The following SLC35D4 variants were observed in gnomAD, a reference collection of about 807,000 sequenced individuals.
SLC35D4 encodes UDP-N-acetylglucosamine transporter SLC35D4.
At chr18:23,393,167 A>T in the SLC35D4 span, among the ~76,000 whole-genome samples, 1 of 152,006 alleles carries the variant, frequency 6.6e-6, no homozygotes, top group Non-Finnish European at 1.5e-5. Context: ...CATCCACCTC[A>T]GGCTCCTAAA....
the SLC35D4 span, among the ~76,000 whole-genome samples, chr18:23,349,610 G>A: frequency 2.0e-5 from 3 of 152,240 alleles, no homozygotes; most frequent in East Asian, 1.9e-4. Flanking sequence ...CAGCCTGGGC[G>A]ACAGAGCGAG....
the SLC35D4 span, among the ~76,000 whole-genome samples, chr18:23,315,566 A>T: frequency 1.3e-5 from 2 of 152,258 alleles, no homozygotes; most frequent in African/African-American, 2.4e-5. Context: ...GCACCAGATA[A>T]TCAGAGCTGG....
chr18:23,252,985 C>T, the SLC35D4 span: 1 of 1,613,126 alleles, frequency 6.2e-7, no homozygotes, highest in Non-Finnish European at 8.5e-7. Flanking sequence ...TACGTGAAGC[C>T]CTCGGATCTC....
the SLC35D4 span, among the ~76,000 whole-genome samples, chr18:23,255,053 G>A: frequency 1.3e-5 from 2 of 152,336 alleles, no homozygotes; most frequent in African/African-American, 2.4e-5. Context: ...TTGATGGGCT[G>A]TGGGGCCTAG....
chr18:23,309,192 T>C, the SLC35D4 span, among the ~76,000 whole-genome samples: 1 of 150,094 alleles, frequency 6.7e-6, no homozygotes, highest in Admixed American at 6.6e-5. Context: ...GTTGGTTTAA[T>C]CTGAGGATCT....
At chr18:23,371,953 T>TTTTTTTTTTTTTTTAA in the SLC35D4 span, among the ~76,000 whole-genome samples, 1 of 118,982 alleles carries the variant, frequency 8.4e-6, no homozygotes, top group Non-Finnish European at 1.7e-5. Context: ...TTTTTTTTTT[T>TTTTTTTTTTTTTTTAA]GAGACGGAGT....
chr18:23,338,689 C>G, the SLC35D4 span, among the ~76,000 whole-genome samples: 26 of 152,156 alleles, frequency 1.7e-4, no homozygotes, highest in Non-Finnish European at 3.5e-4. Context: ...CTTTGAAACA[C>G]TTAGGATCAC....
At chr18:23,421,284 A>G in the SLC35D4 span, 4 of 1,113,718 alleles carry the variant, frequency 3.6e-6, no homozygotes, top group East Asian at 9.8e-5. Context: ...CTGTGCTTCC[A>G]GTGTAACACC....
the SLC35D4 span, among the ~76,000 whole-genome samples, chr18:23,394,777 G>A: frequency 9.2e-5 from 14 of 151,824 alleles, no homozygotes; most frequent in African/African-American, 3.4e-4. Context: ...TTTGAGACCA[G>A]CCTGACCAAC....
At chr18:23,430,338 C>T in the SLC35D4 span, among the ~76,000 whole-genome samples, 7 of 151,854 alleles carry the variant, frequency 4.6e-5, no homozygotes, top group Non-Finnish European at 7.4e-5. Flanking sequence ...CCTCCCAAAG[C>T]GCTGGTATTA....
chr18:23,316,047 A>G, the SLC35D4 span, among the ~76,000 whole-genome samples: 7 of 152,220 alleles, frequency 4.6e-5, no homozygotes, highest in Non-Finnish European at 8.8e-5. Context: ...CCCCTGACCT[A>G]CTAAACAGCA....
chr18:23,263,681 C>T, the SLC35D4 span, among the ~76,000 whole-genome samples: 2 of 152,228 alleles, frequency 1.3e-5, no homozygotes, highest in Non-Finnish European at 2.9e-5. Context: ...GCTGCTGTCC[C>T]TTTAATCAGT....
chr18:23,424,197 G>A, the SLC35D4 span, among the ~76,000 whole-genome samples: 3 of 152,188 alleles, frequency 2.0e-5, no homozygotes, highest in African/African-American at 7.2e-5. Flanking sequence ...GTGGCTAACT[G>A]GATGTTGAAG....
chr18:23,437,926 C>A, the SLC35D4 span: 1 of 1,514,086 alleles, frequency 6.6e-7, no homozygotes. Context: ...ACCCCCGCAG[C>A]AGCAGCAGCG....
At chr18:23,287,269 CT>C in the SLC35D4 span, among the ~76,000 whole-genome samples, 16 of 150,956 alleles carry the variant, frequency 1.1e-4, no homozygotes, top group Admixed American at 2.6e-4. Context: ...CAATACCTCC[CT>C]CCACAATCCA....
chr18:23,252,950 T>C, the SLC35D4 span: 2 of 1,576,572 alleles, frequency 1.3e-6, no homozygotes, highest in Admixed American at 1.7e-5. Context: ...TGTTCCCCTG[T>C]CTGTTACAGA....
the SLC35D4 span, among the ~76,000 whole-genome samples, chr18:23,275,629 G>A: frequency 4.3e-4 from 62 of 144,050 alleles, 4 homozygotes; most frequent in South Asian, 0.013. Flanking sequence ...GTGCTGTGCT[G>A]TGCTGTGCTG....
the SLC35D4 span, among the ~76,000 whole-genome samples, chr18:23,370,680 T>C: frequency 2.0e-5 from 3 of 152,224 alleles, no homozygotes; most frequent in Non-Finnish European, 2.9e-5. Flanking sequence ...ACACTGAATA[T>C]GTGATTTGTA....
chr18:23,283,471 C>CAAAAAAAAAAAAAA, the SLC35D4 span, among the ~76,000 whole-genome samples: 2 of 44,390 alleles, frequency 4.5e-5, no homozygotes, highest in Non-Finnish European at 8.6e-5. Flanking sequence ...GACCCAGTCT[C>CAAAAAAAAAAAAAA]AAAAAAAAAA....
Sources: allele counts gnomAD v4.1 joint callset (sites outside exome capture counted in the v4.1 genomes callset), GRCh38; gene constraint gnomAD v4.1.1; transcripts MANE v1.5; gene names NCBI Gene and HGNC (gene_info 2026-07-23, HGNC 2026-07-21).